The following APBB2 variants were observed in gnomAD, a reference collection of about 807,000 sequenced individuals.
APBB2 encodes the protein amyloid beta precursor protein binding family B member 2, also known as Fe65-like 1.
A neutral mutation model predicts 82.5 loss-of-function variants in APBB2; 38 were observed. The ratio of observed to expected loss-of-function variants is 0.46; its 90% CI spans 0.36 to 0.60. APBB2 has a LOEUF of 0.60. APBB2 is among the 20% of genes least tolerant of loss of function. APBB2 has a pLI of 0.00. For synonymous variants in APBB2, 341 were observed against 368.2 expected (o/e 0.93, Z 0.85); for missense variants, 772 against 972.3 (o/e 0.79, Z 2.74).
chr4:40,938,091 G>A (rs1043925990), intron 7 of APBB2, among the ~76,000 whole-genome samples: 2 of 152,174 alleles, frequency 1.3e-5, no homozygotes, highest in African/African-American at 2.4e-5. Flanking sequence ...AGGTGGTAAC[G>A]GACCAACAGG....
chr4:41,077,036 G>T (rs1251385846), intron 3 of APBB2, among the ~76,000 whole-genome samples: 4 of 150,400 alleles, frequency 2.7e-5, no homozygotes, highest in Non-Finnish European at 3.0e-5. Context: ...ACACAGTCTT[G>T]CTCTGTGGCC....
chr4:40,918,583 C>T (rs535662894), intron 10 of APBB2, among the ~76,000 whole-genome samples: 86 of 152,302 alleles, frequency 5.6e-4, no homozygotes, highest in Non-Finnish European at 1.1e-3. Flanking sequence ...AATAACAACA[C>T]GAACACTGGG....
chr4:40,972,214 G>A (rs1796092567), intron 6 of APBB2, among the ~76,000 whole-genome samples: 1 of 151,960 alleles, frequency 6.6e-6, no homozygotes, highest in Non-Finnish European at 1.5e-5. Flanking sequence ...GGATCACAGG[G>A]TCAGGAGATG....
chr4:40,952,134 C>T (rs1029694084), intron 6 of APBB2, among the ~76,000 whole-genome samples: 36 of 145,554 alleles, frequency 2.5e-4, no homozygotes, highest in African/African-American at 8.0e-4. Context: ...TGCAGTGAGC[C>T]GAGATTGCAC....
intron 12 of APBB2, among the ~76,000 whole-genome samples, chr4:40,889,155 G>C (rs1771237694): frequency 6.6e-6 from 1 of 152,202 alleles, no homozygotes. Context: ...ATGCAACTGT[G>C]CTCCCAGGAA....
rs555557971 is a variant in APBB2 at position 40,833,766 on chromosome 4, C to G, written c.1530-3189G>C. On this transcript the variant is annotated intron_variant, in intron 12 of 17. Coordinates refer to ENST00000508593, the MANE Select transcript of APBB2 (RefSeq NM_004307.2). ...AAAAACATGATTTCCAAGTCCCTCCCCGGCTCTGACATTCTCTGATAGAAG... is the reference window on the plus strand; with the variant it reads ...AAAAACATGATTTCCAAGTCCCTCCGCGGCTCTGACATTCTCTGATAGAAG... 5.8e-4 allele frequency among the ~76,000 whole-genome samples: 89 copies of G among 152,138 alleles called. 1 individual carries two copies. The highest frequency in any genetic ancestry group is 9.0e-4 in the Non-Finnish European group (61 of 68,018).
At chr4:40,886,792 G>A (rs561938972) in intron 12 of APBB2, among the ~76,000 whole-genome samples, 1 of 152,332 alleles carries the variant, frequency 6.6e-6, no homozygotes, top group East Asian at 1.9e-4. Flanking sequence ...CAGCAGGCAG[G>A]AGCAAAGCAG....
intron 7 of APBB2, among the ~76,000 whole-genome samples, chr4:40,938,945 G>A (rs1297243027): frequency 6.6e-6 from 1 of 152,140 alleles, no homozygotes; most frequent in African/African-American, 2.4e-5. Flanking sequence ...ATTCACCCAT[G>A]GATTCATGGG....
At chr4:41,131,256 T>G (rs961299240) in intron 2 of APBB2, among the ~76,000 whole-genome samples, 17 of 152,138 alleles carry the variant, frequency 1.1e-4, no homozygotes, top group African/African-American at 3.6e-4. Flanking sequence ...TGGTTTACTT[T>G]CTGTTGGGTC....
chr4:40,905,459 T>C (rs1776459329), intron 10 of APBB2, among the ~76,000 whole-genome samples: 1 of 152,218 alleles, frequency 6.6e-6, no homozygotes, highest in Non-Finnish European at 1.5e-5. Flanking sequence ...TCCCAGGATA[T>C]AAAACTTCCC....
Position 40,866,336 on chromosome 4 carries a change from C to A in APBB2, c.1529+24028G>T, listed in dbSNP as rs148935975. Among the ~76,000 whole-genome samples, 25 of 151,856 alleles carry A rather than the reference C, an allele frequency of 1.6e-4. No individual in the cohort carries two copies. In the East Asian group the frequency reaches 4.6e-3, roughly 28 times the overall value. On this transcript the variant is annotated intron_variant, in intron 12 of 17. Coordinates refer to ENST00000508593, the MANE Select transcript of APBB2 (RefSeq NM_004307.2). The stretch of plus-strand genomic sequence containing the variant: ...AAGCACTTTACTTTCTTGGTGGTCA[C>A]GAAACTCCATGCTCAGGAGCTTACT...
intron 5 of APBB2, among the ~76,000 whole-genome samples, chr4:41,032,232 C>A (rs560174487): frequency 6.6e-6 from 1 of 152,120 alleles, no homozygotes; most frequent in African/African-American, 2.4e-5. Context: ...AAACTCAGAA[C>A]TTGCTGAGCA....
chr4:41,211,718 GTGA>G lies in APBB2; in HGVS notation c.-417+2684_-417+2686del, dbSNP rs202073700. Among the ~76,000 whole-genome samples, 581 of 152,260 alleles carry G rather than the reference GTGA, an allele frequency of 3.8e-3. 7 individuals are homozygous for G. The highest frequency in any genetic ancestry group is 0.024 in the East Asian group (127 of 5,186). On this transcript the variant is annotated intron_variant, in intron 1 of 17. Coordinates refer to ENST00000508593, the MANE Select transcript of APBB2 (RefSeq NM_004307.2). ...GCTGGTCTCAAACTCCTGACCTCAA[GTGA>G]TCTGCCCGCCTCAGCTTCCCAAAGT...
chr4:40,902,041 A>C (rs1775448917), intron 10 of APBB2, among the ~76,000 whole-genome samples: 2 of 152,052 alleles, frequency 1.3e-5, no homozygotes, highest in Admixed American at 1.3e-4. Context: ...GGTTCTTGAA[A>C]ACTGTGACTT....
At chr4:41,075,536 C>T (rs192943655) in intron 3 of APBB2, among the ~76,000 whole-genome samples, 53 of 152,244 alleles carry the variant, frequency 3.5e-4, no homozygotes, top group Middle Eastern at 3.4e-3. Flanking sequence ...TACAGAGATG[C>T]CTCAAGGAAG....
intron 1 of APBB2, among the ~76,000 whole-genome samples, chr4:41,201,359 G>C (rs1218545651): frequency 4.6e-5 from 7 of 152,194 alleles, no homozygotes; most frequent in Admixed American, 4.6e-4. Context: ...AAACCATGTA[G>C]TTGAATAAAA....
At chr4:40,881,534 C>CTTTTTTTTTTTTTTTTTTTTTTTTTT (rs71198611) in intron 12 of APBB2, 3 of 145,072 alleles carry the variant, frequency 2.1e-5, no homozygotes, top group South Asian at 2.6e-4. Context: ...TTTTCTTTTT[C>CTTTTTTTTTTTTTTTTTTTTTTTTTT]TTTTTTTTTT....
intron 12 of APBB2, among the ~76,000 whole-genome samples, chr4:40,844,196 A>G (rs540640224): frequency 1.8e-4 from 27 of 152,262 alleles, no homozygotes; most frequent in African/African-American, 6.5e-4. Flanking sequence ...CTTCAAGTAC[A>G]CTGCTTACCT....
At position 40,880,906 on chromosome 4, in the gene APBB2, C is replaced by G. The variant is rs537354183; in HGVS notation, c.1529+9458G>C. The G allele has an allele frequency of 3.1e-5, 31 of 984,974 alleles. No homozygotes were observed. The African/African-American group carries it at 4.4e-4, about 14-fold the overall frequency. The allele number at this position is 984,974 out of a possible 1,614,324, so 61.0% of individuals were successfully genotyped here. The stretch of plus-strand genomic sequence containing the variant: ...TGGACGAGGTATTTCTCAGGAGAAA[C>G]TGTCGCCTTCATAGATTCATGAACA... On this transcript the variant is annotated intron_variant, in intron 12 of 17. Coordinates refer to ENST00000508593, the MANE Select transcript of APBB2 (RefSeq NM_004307.2).
Sources: gnomAD v4.1 joint callset for allele counts (sites outside exome capture counted in the v4.1 genomes callset) on GRCh38, gnomAD v4.1.1 for gene constraint, MANE v1.5 for transcripts, NCBI Gene and HGNC (gene_info 2026-07-23, HGNC 2026-07-21) for gene names.